ABLIM2: variants seen among roughly 807,000 people sequenced by gnomAD.
ABLIM2 encodes actin-binding LIM protein 2.
A neutral mutation model predicts 97.7 loss-of-function variants in ABLIM2; 53 were observed. The observed-to-expected ratio is 0.54, with a 90% CI of 0.44 to 0.68. The LOEUF (loss-of-function observed/expected upper bound fraction) is 0.68. Among genes scored for constraint, ABLIM2 ranks in the 30% least tolerant of loss-of-function variants. The probability of loss-of-function intolerance (pLI) is 0.00; values close to 1 mark genes in which losing one functional copy is unlikely to be tolerated. For missense variants in ABLIM2, 835 were observed against 867.2 expected, an observed-to-expected ratio of 0.96 and a Z score of 0.47; for synonymous variants, 361 against 345.8, an observed-to-expected ratio of 1.04 and a Z score of -0.49.
chr4:8,134,981 T>C (rs1198938113), intron 1 of ABLIM2, among the ~76,000 whole-genome samples: 1 of 152,234 alleles, frequency 6.6e-6, no homozygotes, highest in Admixed American at 6.5e-5. Flanking sequence ...CATGCGCTTC[T>C]GATGGGCACA....
chr4:8,027,617 A>T (rs1778225429), intron 12 of ABLIM2, 142 bp downstream of exon 12: 2 of 552,912 alleles, frequency 3.6e-6, no homozygotes, highest in Non-Finnish European at 6.0e-6. Context: ...GGAGCCAGAC[A>T]CACAAGACAC....
intron 20 of ABLIM2, among the ~76,000 whole-genome samples, chr4:7,981,964 G>A (rs1738860920): frequency 6.6e-6 from 1 of 152,186 alleles, no homozygotes; most frequent in Admixed American, 6.5e-5. Flanking sequence ...GCTTCCCCGG[G>A]CCTGGAATGC....
intron 4 of ABLIM2, 29 bp from the exon 5 acceptor site, chr4:8,080,831 C>T (rs372729081): frequency 1.3e-6 from 2 of 1,582,580 alleles, no homozygotes; most frequent in African/African-American, 2.7e-5. Flanking sequence ...AACACAGACA[C>T]CCCCACCATT....
intron 6 of ABLIM2, among the ~76,000 whole-genome samples, chr4:8,064,151 C>T (rs768666455): frequency 1.6e-4 from 25 of 152,230 alleles, no homozygotes; most frequent in Non-Finnish European, 8.8e-5. Flanking sequence ...GCTCCACAAG[C>T]GAGACATGCT....
intron 9 of ABLIM2, among the ~76,000 whole-genome samples, chr4:8,039,089 C>T (rs1211433728): frequency 6.6e-6 from 1 of 152,220 alleles, no homozygotes; most frequent in African/African-American, 2.4e-5. Context: ...CCCTTATCCC[C>T]TCAAGACTGT....
chr4:7,977,243 G>T (rs1258437748), intron 20 of ABLIM2, among the ~76,000 whole-genome samples: 1 of 152,138 alleles, frequency 6.6e-6, no homozygotes, highest in East Asian at 1.9e-4. Context: ...CACCATGATT[G>T]TAAGTTTCCA....
chr4:8,063,697 GTGTGCACCC>G, intron 6 of ABLIM2, among the ~76,000 whole-genome samples: 1 of 152,366 alleles, frequency 6.6e-6, no homozygotes, highest in East Asian at 1.9e-4. Context: ...CAGGTCTGGG[GTGTGCACCC>G]CCTGCTCACA....
At chr4:8,078,860 G>T (rs1817955991) in intron 5 of ABLIM2, among the ~76,000 whole-genome samples, 1 of 152,252 alleles carries the variant, frequency 6.6e-6, no homozygotes, top group African/African-American at 2.4e-5. Flanking sequence ...CAGCACGTGT[G>T]GGGGTGACTG....
chr4:8,047,726 T>A (rs1416481124), intron 8 of ABLIM2, among the ~76,000 whole-genome samples: 1 of 152,216 alleles, frequency 6.6e-6, no homozygotes, highest in Admixed American at 6.5e-5. Context: ...AGTCTCAGCA[T>A]CCTCGTCCAT....
chr4:8,017,649 G>A (rs1397102828), intron 14 of ABLIM2, among the ~76,000 whole-genome samples: 1 of 152,094 alleles, frequency 6.6e-6, no homozygotes, highest in African/African-American at 2.4e-5. Flanking sequence ...AATCAAACAG[G>A]AATTAACTTG....
In ABLIM2 at chr4:8,023,410, T is replaced by C. The variant is rs1775265668; in HGVS notation, c.1268-3107A>G. On this transcript the variant is annotated intron_variant, in intron 12 of 20. Coordinates refer to ENST00000447017, the MANE Select transcript of ABLIM2 (RefSeq NM_001130083.2). The surrounding 1 kb of genome is among the most constrained non-coding windows in gnomAD (Gnocchi z 5.7). ...TTTGAGGAGGGCTGCTGAGGGTTTTTGCCTGATGTTTTCTCATGGCGATAC... is the reference window on the plus strand; with the variant it reads ...TTTGAGGAGGGCTGCTGAGGGTTTTCGCCTGATGTTTTCTCATGGCGATAC... Among the ~76,000 whole-genome samples the C allele has an allele frequency of 6.6e-6, 1 of 152,268 alleles. No individual in the cohort carries two copies. Among genetic ancestry groups the C allele is most frequent in the Admixed American group, 6.5e-5 (1 of 15,292 alleles).
chr4:8,135,909 C>A (rs953008857), intron 1 of ABLIM2, among the ~76,000 whole-genome samples: 1 of 152,206 alleles, frequency 6.6e-6, no homozygotes, highest in Non-Finnish European at 1.5e-5. Context: ...GTGGAAAGTG[C>A]TGTGCATGAG....
chr4:8,007,718 G>T (rs1762317353), intron 16 of ABLIM2: 1 of 1,071,798 alleles, frequency 9.3e-7, no homozygotes, highest in Non-Finnish European at 1.1e-6. Context: ...TGCTCTGGAG[G>T]GAACAGGCCC....
chr4:7,967,153 GGA>G (rs1361426734), intron 20 of ABLIM2, 50 bp from the exon 21 acceptor site: 2 of 1,485,594 alleles, frequency 1.3e-6, no homozygotes, highest in Non-Finnish European at 1.9e-6. Flanking sequence ...ACGCAGCAAG[GGA>G]CACCATTGGG....
Position 7,966,878 on chromosome 4 carries a change from C to CCCTTGG in ABLIM2, c.*111_*112insCCAAGG. 1 of 348,984 alleles carries CCCTTGG rather than the reference C, an allele frequency of 2.9e-6. No individual in the cohort carries two copies. Among genetic ancestry groups the CCCTTGG allele is most frequent in the Non-Finnish European group, 5.6e-6 (1 of 180,130 alleles). The allele number at this position is 348,984 out of a possible 1,614,324, so 21.6% of individuals were successfully genotyped here. On this transcript the variant is annotated 3_prime_UTR_variant, in exon 21 of 21. Coordinates refer to ENST00000447017, the MANE Select transcript of ABLIM2 (RefSeq NM_001130083.2). ...GCTGGGGGACCCCCTCCCGCCCACCCCATGGACACAGAGAAGCCAGAGCAA... is the reference window on the plus strand; with the variant it reads ...GCTGGGGGACCCCCTCCCGCCCACCCCCTTGGCATGGACACAGAGAAGCCAGAGCAA...
intron 14 of ABLIM2, among the ~76,000 whole-genome samples, chr4:8,010,157 C>G (rs1286965688): frequency 1.3e-5 from 2 of 152,234 alleles, no homozygotes; most frequent in African/African-American, 2.4e-5. Flanking sequence ...TGCAGCTGAG[C>G]AACGAGGCAT....
At chr4:8,039,046 C>A (rs979309952) in intron 9 of ABLIM2, among the ~76,000 whole-genome samples, 1 of 152,178 alleles carries the variant, frequency 6.6e-6, no homozygotes, top group Non-Finnish European at 1.5e-5. Context: ...ACCCCCGCAA[C>A]AAGTTAGTGT....
intron 9 of ABLIM2, among the ~76,000 whole-genome samples, chr4:8,037,772 G>T (rs1579395217): frequency 1.3e-5 from 2 of 152,344 alleles, no homozygotes; most frequent in South Asian, 2.1e-4. Context: ...CCCTCAGCAG[G>T]GTCGGGGGCC....
intron 1 of ABLIM2, among the ~76,000 whole-genome samples, chr4:8,135,901 G>C (rs1469664178): frequency 6.6e-6 from 1 of 152,182 alleles, no homozygotes; most frequent in Non-Finnish European, 1.5e-5. Context: ...AGCAGCTCGT[G>C]GAAAGTGCTG....
Sources: gnomAD v4.1 joint callset for allele counts (sites outside exome capture counted in the v4.1 genomes callset) on GRCh38, gnomAD v4.1.1 for gene constraint, Gnocchi (gnomAD v3.1) non-coding constraint, MANE v1.5 for transcripts, NCBI Gene and HGNC (gene_info 2026-07-23, HGNC 2026-07-21) for gene names.